Variants in SLC25A21 observed in about 807,000 individuals in gnomAD.
The protein encoded by SLC25A21 is solute carrier family 25 member 21, also known as mitochondrial 2-oxodicarboxylate carrier.
SLC25A21 carries 47 observed loss-of-function variants against 43.8 expected under a neutral mutation model. The observed-to-expected ratio is 1.07, with a 90% CI of 0.85 to 1.37. The LOEUF (loss-of-function observed/expected upper bound fraction) is 1.37. Among genes scored for constraint, SLC25A21 ranks in the 40% most tolerant of loss-of-function variants. The pLI, the probability that SLC25A21 is intolerant of heterozygous loss-of-function variation, is 0.00. For synonymous variants in SLC25A21, 131 were observed against 121.3 expected (o/e 1.08, Z -0.52); for missense variants, 352 against 350.2 (o/e 1.00, Z -0.04).
chr14:36,834,244 A>T (rs546198395), intron 2 of SLC25A21, among the ~76,000 whole-genome samples: 1 of 152,334 alleles, frequency 6.6e-6, no homozygotes, highest in Non-Finnish European at 1.5e-5. Flanking sequence ...CCTCTTGTAT[A>T]TTGGAGGGAA....
At chr14:37,108,975 CT>C (rs1223472265) in intron 1 of SLC25A21, among the ~76,000 whole-genome samples, 1 of 152,094 alleles carries the variant, frequency 6.6e-6, no homozygotes, top group African/African-American at 2.4e-5. Flanking sequence ...TCCTACTCCT[CT>C]TTAATTTATC....
intron 1 of SLC25A21, among the ~76,000 whole-genome samples, chr14:37,156,158 C>CAAAAAA (rs61052100): frequency 1.9e-5 from 2 of 103,818 alleles, no homozygotes; most frequent in Non-Finnish European, 4.2e-5. Context: ...GACTCCATCT[C>CAAAAAA]AAAAAAAAAA....
chr14:36,896,948 C>T (rs559423466), intron 1 of SLC25A21, among the ~76,000 whole-genome samples: 121 of 152,258 alleles, frequency 7.9e-4, no homozygotes, highest in African/African-American at 2.8e-3. Flanking sequence ...GTAACCCGAC[C>T]TTTCTCTCTG....
rs140702364 is a variant in SLC25A21, at chr14:36,937,786, C to T, written c.71-62782G>A. ...CAGAGGACACAGCAAATGCAAAGGCCATGAGGCAAGAAAGAATAGAAAATG... is the reference window on the plus strand; with the variant it reads ...CAGAGGACACAGCAAATGCAAAGGCTATGAGGCAAGAAAGAATAGAAAATG... On this transcript the variant is annotated intron_variant, in intron 1 of 9. Coordinates refer to ENST00000331299, the MANE Select transcript of SLC25A21 (RefSeq NM_030631.4). 7.2e-5 allele frequency among the ~76,000 whole-genome samples: 11 copies of T among 152,194 alleles called. No homozygotes were observed. In the East Asian group the frequency reaches 2.1e-3, roughly 29 times the overall value.
At chr14:36,731,789 T>G (rs1022234357) in intron 4 of SLC25A21, among the ~76,000 whole-genome samples, 7 of 152,128 alleles carry the variant, frequency 4.6e-5, no homozygotes, top group African/African-American at 1.7e-4. Context: ...TCTCAGGAGT[T>G]CTATCTCTGT....
At chr14:36,888,072 T>C (rs1154114) in intron 1 of SLC25A21, among the ~76,000 whole-genome samples, 147,335 of 152,238 alleles carry the variant, frequency 0.97, 71,486 homozygotes, top group East Asian at 1. Context: ...GCAAATGCTA[T>C]AAATCACAGT....
intron 1 of SLC25A21, among the ~76,000 whole-genome samples, chr14:36,919,649 A>ATCTATCTATCTATCTATCTGTCTG (rs1555336820): frequency 3.3e-5 from 5 of 149,740 alleles, no homozygotes; most frequent in African/African-American, 1.3e-4. Context: ...CTATCTATCT[A>ATCTATCTATCTATCTATCTGTCTG]TCTATCTATC....
At chr14:37,083,498 T>G (rs1205440130) in intron 1 of SLC25A21, among the ~76,000 whole-genome samples, 2 of 152,200 alleles carry the variant, frequency 1.3e-5, no homozygotes, top group Non-Finnish European at 2.9e-5. Flanking sequence ...TTCATAACAT[T>G]TATATACGGC....
chr14:36,716,202 G>T (rs748016556), intron 6 of SLC25A21, among the ~76,000 whole-genome samples: 2 of 151,980 alleles, frequency 1.3e-5, no homozygotes, highest in African/African-American at 2.4e-5. Context: ...AAACAAAAAA[G>T]GTCAAATATA....
chr14:36,874,326 T>C (rs550458911), intron 2 of SLC25A21, among the ~76,000 whole-genome samples: 12 of 152,292 alleles, frequency 7.9e-5, no homozygotes, highest in African/African-American at 2.2e-4. Context: ...TTTGAAAAAA[T>C]AGAAAGTTCA....
rs115131286 is a variant in SLC25A21, at chr14:36,733,214, A to C, written c.270+1293T>G. ...ATGAGTATATTATTCCATGCAGACA[A>C]AGTGACTTCCCTTTTGAACAGGAAC... On this transcript the variant is annotated intron_variant, in intron 4 of 9. Coordinates refer to ENST00000331299, the MANE Select transcript of SLC25A21 (RefSeq NM_030631.4). 1.8e-3 allele frequency among the ~76,000 whole-genome samples: 278 copies of C among 152,348 alleles called. 1 individual carries two copies. Among genetic ancestry groups the C allele is most frequent in the African/African-American group, 6.5e-3 (269 of 41,576 alleles).
chr14:37,087,493 C>G (rs1278863237), intron 1 of SLC25A21, among the ~76,000 whole-genome samples: 2 of 152,154 alleles, frequency 1.3e-5, no homozygotes, highest in Non-Finnish European at 2.9e-5. Context: ...GCACTACACC[C>G]AAGATTACTT....
In SLC25A21 at chr14:36,903,614, GAAAAAAAAAA is replaced by G. The variant is rs71124784; in HGVS notation, c.71-28620_71-28611del. Among the ~76,000 whole-genome samples the G allele has an allele frequency of 1.6e-3, 81 of 50,464 alleles. 1 individual carries two copies. Among genetic ancestry groups the G allele is most frequent in the African/African-American group, 5.7e-3 (63 of 10,974 alleles). 33.1% of individuals were successfully genotyped at this position (50,464 alleles called of 152,430 possible). A position where few individuals can be genotyped will look rare whatever the true frequency, so the allele number is the denominator to read the frequency against. On this transcript the variant is annotated intron_variant, in intron 1 of 9. Coordinates refer to ENST00000331299, the MANE Select transcript of SLC25A21 (RefSeq NM_030631.4). ...GGTGACAGAGTGAGACTCCGTCTCAGAAAAAAAAAAAAAAAAAAAAAAAAAAAAATTGGTC... is the reference window on the plus strand; with the variant it reads ...GGTGACAGAGTGAGACTCCGTCTCAGAAAAAAAAAAAAAAAAAAATTGGTC...
intron 3 of SLC25A21, among the ~76,000 whole-genome samples, chr14:36,795,154 C>T (rs1703724029): frequency 6.6e-6 from 1 of 152,036 alleles, no homozygotes; most frequent in Non-Finnish European, 1.5e-5. Context: ...GTTATGGAGG[C>T]TTTAGAGAAC....
chr14:36,683,405 C>A (rs933937114), intron 9 of SLC25A21, among the ~76,000 whole-genome samples: 1 of 152,178 alleles, frequency 6.6e-6, no homozygotes, highest in Non-Finnish European at 1.5e-5. Flanking sequence ...GGCAAGCTGT[C>A]CTCCTTTTCT....
chr14:36,888,287 T>C (rs1890980616), intron 1 of SLC25A21, among the ~76,000 whole-genome samples: 1 of 152,172 alleles, frequency 6.6e-6, no homozygotes, highest in Admixed American at 6.5e-5. Flanking sequence ...AAAGTTAATC[T>C]TTAGCTTATA....
intron 1 of SLC25A21, among the ~76,000 whole-genome samples, chr14:36,996,881 A>C (rs925224672): frequency 2.0e-5 from 3 of 152,156 alleles, no homozygotes; most frequent in African/African-American, 7.2e-5. Context: ...GTTCAAAGTG[A>C]GGAGAAATTA....
chr14:37,022,449 A>G (rs544530174), intron 1 of SLC25A21, among the ~76,000 whole-genome samples: 2 of 152,130 alleles, frequency 1.3e-5, no homozygotes, highest in East Asian at 3.9e-4. Flanking sequence ...CTGAAAGTCA[A>G]TTCCATAAAA....
intron 2 of SLC25A21, among the ~76,000 whole-genome samples, chr14:36,861,943 C>T (rs1482694466): frequency 2.6e-5 from 4 of 151,994 alleles, no homozygotes; most frequent in Non-Finnish European, 1.5e-5. Flanking sequence ...TAAAAAAGTG[C>T]ACGAAGGACA....
Sources: gnomAD v4.1 joint callset for allele counts (sites outside exome capture counted in the v4.1 genomes callset) on GRCh38, gnomAD v4.1.1 for gene constraint, MANE v1.5 for transcripts, NCBI Gene and HGNC (gene_info 2026-07-23, HGNC 2026-07-21) for gene names.